The following TRAPPC3L variants were observed in gnomAD, a reference collection of about 807,000 sequenced individuals.
The protein encoded by TRAPPC3L is trafficking protein particle complex subunit 3-like protein.
Under a neutral mutation model 23.7 loss-of-function variants are expected in TRAPPC3L, and 23 were observed. That is an observed-to-expected ratio of 0.97 (90% confidence interval 0.70 to 1.37). The LOEUF (loss-of-function observed/expected upper bound fraction) is 1.37, where lower values mean the gene tolerates loss of function less well. TRAPPC3L is among the 40% of genes most tolerant of loss of function. TRAPPC3L has a pLI of 0.00. For synonymous variants in TRAPPC3L, 81 were observed against 77.9 expected, an observed-to-expected ratio of 1.04 and a Z score of -0.21; for missense variants, 212 against 216.8, an observed-to-expected ratio of 0.98 and a Z score of 0.14.
At chr6:116,539,744 C>T (rs569680725) in intron 3 of TRAPPC3L, among the ~76,000 whole-genome samples, 4 of 152,070 alleles carry the variant, frequency 2.6e-5, no homozygotes, top group South Asian at 4.1e-4. Flanking sequence ...TGGAGACACG[C>T]GTATCTTCTG....
rs916875407 is a variant in TRAPPC3L, at chr6:116,496,961, T to C, written c.539A>G (p.Lys180Arg). ...CATTTTCCGTGCTAGTCTTCATTTTTTCCCTCTATATTTTTTCTCGTCTCG... is the reference window on the plus strand; with the variant it reads ...CATTTTCCGTGCTAGTCTTCATTTTCTCCCTCTATATTTTTTCTCGTCTCG... ...KKRDEKKYRG[K>R]K The change falls in exon 5 of 5, where the codon AAA (lysine) becomes AGA (arginine). Residue 180 changes from lysine (K) to arginine (R), a missense_variant. Transcript: ENST00000368602. The C allele has an allele frequency of 7.8e-6, 12 of 1,544,406 alleles. No individual in the cohort carries two copies. In the Admixed American group the frequency reaches 1.4e-4, roughly 19 times the overall value.
intron 1 of TRAPPC3L, among the ~76,000 whole-genome samples, chr6:116,545,114 TATACATAC>T (rs1364882814): frequency 5.3e-5 from 8 of 150,788 alleles, no homozygotes; most frequent in Non-Finnish European, 8.9e-5. Flanking sequence ...CACATATATA[TATACATAC>T]ATACATATAT....
chr6:116,499,622 T>C (rs754959396), intron 4 of TRAPPC3L, among the ~76,000 whole-genome samples: 1 of 152,216 alleles, frequency 6.6e-6, no homozygotes, highest in Non-Finnish European at 1.5e-5. Context: ...ATTCAAGTTC[T>C]TTGTTCCTTG....
rs1015614770 is a variant in TRAPPC3L at position 116,497,007 on chromosome 6, C to T, written c.493G>A (p.Gly165Arg). ...TCTCGCTTTTTTAGAAATGTTATTC[C>T]TATTTCTGTCACACTGTCACCTTTT... ...RLKGDSVTEIGITFLKKRDEK... is the reference protein window; with the variant it reads ...RLKGDSVTEIRITFLKKRDEK... Residue 165 changes from glycine (G) to arginine (R), a missense_variant, in exon 5 of 5, where the codon GGA becomes AGA. Gly to Arg is a moderately radical substitution (Grantham distance 125, BLOSUM62 -2). Coordinates refer to ENST00000368602, the MANE Select transcript of TRAPPC3L (RefSeq NM_001139444.3). The T allele has an allele frequency of 1.3e-6, 2 of 1,546,506 alleles. No individual in the cohort carries two copies. The highest frequency in any genetic ancestry group is 2.5e-5 in the East Asian group (1 of 40,676).
chr6:116,509,698 T>C (rs189687051), intron 3 of TRAPPC3L, among the ~76,000 whole-genome samples: 1 of 152,246 alleles, frequency 6.6e-6, no homozygotes, highest in Admixed American at 6.5e-5. Context: ...AACGCTTATA[T>C]CTAAGATGTG....
At position 116,511,612 on chromosome 6, in the gene TRAPPC3L, G is replaced by A. The variant is rs948500763; in HGVS notation, c.241-10946C>T. The A allele has an allele frequency of 1.5e-5, 19 of 1,256,608 alleles. No individual in the cohort carries two copies. In the African/African-American group the frequency reaches 2.7e-4, roughly 18 times the overall value. 77.8% of individuals were successfully genotyped at this position (1,256,608 alleles called of 1,614,324 possible). On this transcript the variant is annotated intron_variant, in intron 3 of 4. Coordinates refer to ENST00000368602, the MANE Select transcript of TRAPPC3L (RefSeq NM_001139444.3). ...TCTGAGAAGGACTGTTGTTTCTGAT[G>A]AAGAAAGAGCTCCACCCTCGGCCAC...
intron 3 of TRAPPC3L, among the ~76,000 whole-genome samples, chr6:116,508,063 G>T (rs760117777): frequency 1.1e-4 from 17 of 152,280 alleles, no homozygotes; most frequent in East Asian, 1.9e-4. Context: ...CATCTTTCAA[G>T]TGCAGAAATT....
At chr6:116,544,418 T>C (rs1773651060) in intron 1 of TRAPPC3L, among the ~76,000 whole-genome samples, 1 of 152,112 alleles carries the variant, frequency 6.6e-6, no homozygotes, top group Non-Finnish European at 1.5e-5. Flanking sequence ...GCCAGCTTTC[T>C]CTATTCTGCT....
chr6:116,517,071 T>C (rs1772242784), intron 3 of TRAPPC3L: 1 of 152,200 alleles, frequency 6.6e-6, no homozygotes, highest in Admixed American at 6.6e-5. Context: ...TGTCCTTCCA[T>C]GGTGGAAAGT....
At chr6:116,533,648 A>G (rs1359774847) in intron 3 of TRAPPC3L, among the ~76,000 whole-genome samples, 2 of 152,214 alleles carry the variant, frequency 1.3e-5, no homozygotes, top group Non-Finnish European at 2.9e-5. Context: ...TCAGCTTAAA[A>G]CCTGCTGTTC....
At chr6:116,519,051 G>C (rs1772283223) in intron 3 of TRAPPC3L, 1 of 152,216 alleles carries the variant, frequency 6.6e-6, no homozygotes, top group African/African-American at 2.4e-5. Flanking sequence ...AGAGCAAATT[G>C]GTGTCTGCTC....
chr6:116,528,647 C>T (rs1057285309), intron 3 of TRAPPC3L, among the ~76,000 whole-genome samples: 1 of 151,782 alleles, frequency 6.6e-6, no homozygotes, highest in Non-Finnish European at 1.5e-5. Context: ...AATTGATTTC[C>T]GCTCCCTTCT....
chr6:116,542,952 A>G (rs1562355731), intron 2 of TRAPPC3L, among the ~76,000 whole-genome samples: 1 of 152,130 alleles, frequency 6.6e-6, no homozygotes, highest in Non-Finnish European at 1.5e-5. Context: ...GTTAGAACAA[A>G]AGACTTCTGA....
At chr6:116,543,224 G>A in intron 2 of TRAPPC3L, 79 bp downstream of exon 2, 1 of 1,012,834 alleles carries the variant, frequency 9.9e-7, no homozygotes. Context: ...TGAAGCAAAG[G>A]AAGTCATTAG....
chr6:116,539,742 C>G (rs922038650), intron 3 of TRAPPC3L, among the ~76,000 whole-genome samples: 4 of 152,160 alleles, frequency 2.6e-5, no homozygotes, highest in African/African-American at 9.6e-5. Flanking sequence ...CCTGGAGACA[C>G]GCGTATCTTC....
At chr6:116,503,317 A>C (rs1001420862) in intron 3 of TRAPPC3L, among the ~76,000 whole-genome samples, 5 of 152,258 alleles carry the variant, frequency 3.3e-5, no homozygotes, top group African/African-American at 1.2e-4. Context: ...TTCAACAAGA[A>C]GAGCTAACTA....
intron 3 of TRAPPC3L, among the ~76,000 whole-genome samples, chr6:116,528,287 T>G (rs1339349459): frequency 2.6e-5 from 4 of 152,228 alleles, no homozygotes; most frequent in Non-Finnish European, 5.9e-5. Context: ...CTGGGTTTGA[T>G]CCAATCAGTC....
chr6:116,515,577 C>T lies in TRAPPC3L; in HGVS notation c.241-14911G>A, dbSNP rs374487831. ...AAATGGCTTTGCTTTCACGTGTGTA[C>T]TCAATATTTCTTTCTTCTTAAGATT... On this transcript the variant is annotated intron_variant, in intron 3 of 4. Transcript: ENST00000368602. The T allele has an allele frequency of 3.8e-6, 6 of 1,586,222 alleles. No individual in the cohort carries two copies. In the African/African-American group the frequency reaches 8.1e-5, roughly 22 times the overall value.
At chr6:116,518,877 G>A (rs2637676) in intron 3 of TRAPPC3L, 62,913 of 152,092 alleles carry the variant, frequency 0.41, 14,606 homozygotes, top group Middle Eastern at 0.6. Flanking sequence ...CTGCAGCTTA[G>A]TAAGTAGCAG....
Sources: gnomAD v4.1 joint callset for allele counts (sites outside exome capture counted in the v4.1 genomes callset) on GRCh38, gnomAD v4.1.1 for gene constraint, MANE v1.5 for transcripts, NCBI Gene and HGNC (gene_info 2026-07-23, HGNC 2026-07-21) for gene names.